CTNNA2: variants seen among roughly 807,000 people sequenced by gnomAD.
CTNNA2 encodes the protein catenin alpha 2.
A neutral mutation model predicts 101.0 loss-of-function variants in CTNNA2; 42 were observed. The observed-to-expected ratio is 0.42, with a 90% CI of 0.32 to 0.54. The LOEUF (loss-of-function observed/expected upper bound fraction) is 0.54, where lower values mean the gene tolerates loss of function less well. CTNNA2 is among the 20% of genes least tolerant of loss of function. The probability of loss-of-function intolerance (pLI) is 0.14; values close to 1 mark genes in which losing one functional copy is unlikely to be tolerated. For synonymous variants in CTNNA2, 450 were observed against 456.4 expected, an observed-to-expected ratio of 0.99 and a Z score of 0.18; for missense variants, 871 against 1,223.1, an observed-to-expected ratio of 0.71 and a Z score of 4.29.
At chr2:80,542,093 G>A (rs190856700) in intron 9 of CTNNA2, among the ~76,000 whole-genome samples, 1 of 136,552 alleles carries the variant, frequency 7.3e-6, no homozygotes, top group East Asian at 2.1e-4. Context: ...TGATTATATA[G>A]CTCTAAAAGC....
intron 9 of CTNNA2, among the ~76,000 whole-genome samples, chr2:80,473,837 C>T (rs1324219402): frequency 1.3e-5 from 2 of 152,180 alleles, no homozygotes; most frequent in African/African-American, 4.8e-5. Flanking sequence ...TGGCTGCTCA[C>T]AGATGTGTGT....
chr2:79,335,086 C>T (rs1413175073), intron 3 of CTNNA2, among the ~76,000 whole-genome samples: 2 of 152,156 alleles, frequency 1.3e-5, no homozygotes, highest in Non-Finnish European at 2.9e-5. Context: ...GTTAACTTCA[C>T]TCTAATCCCA....
At chr2:79,723,822 A>G (rs1455089180) in intron 2 of CTNNA2, among the ~76,000 whole-genome samples, 1 of 152,062 alleles carries the variant, frequency 6.6e-6, no homozygotes. Flanking sequence ...CTTTTCTATT[A>G]GTGCTGAAGT....
At chr2:79,218,979 A>G (rs184362682) in intron 2 of CTNNA2, among the ~76,000 whole-genome samples, 1 of 152,300 alleles carries the variant, frequency 6.6e-6, no homozygotes, top group African/African-American at 2.4e-5. Flanking sequence ...AATCTCTGGT[A>G]ATATTATGAT....
chr2:80,613,644 A>T (rs1698636049), intron 17 of CTNNA2, among the ~76,000 whole-genome samples: 1 of 151,384 alleles, frequency 6.6e-6, no homozygotes, highest in Admixed American at 6.6e-5. Flanking sequence ...AAAATCAGTT[A>T]TTCATTGATG....
At chr2:79,505,716 T>C (rs1366129855) in intron 5 of CTNNA2, among the ~76,000 whole-genome samples, 2 of 152,120 alleles carry the variant, frequency 1.3e-5, no homozygotes, top group Non-Finnish European at 2.9e-5. Context: ...TATGGAAAGG[T>C]GTACAGTTGT....
At chr2:80,281,607 T>G (rs1340502218) in intron 7 of CTNNA2, among the ~76,000 whole-genome samples, 1 of 152,114 alleles carries the variant, frequency 6.6e-6, no homozygotes, top group Non-Finnish European at 1.5e-5. Flanking sequence ...TTACTTTTTT[T>G]TCCCTTCATT....
chr2:80,453,975 T>G (rs1352107545), intron 9 of CTNNA2, among the ~76,000 whole-genome samples: 18 of 151,942 alleles, frequency 1.2e-4, no homozygotes, highest in Admixed American at 1.2e-3. Context: ...AGAAATTAGC[T>G]GCACAATTGT....
chr2:80,288,796 C>T (rs531864026), intron 7 of CTNNA2: 1 of 152,150 alleles, frequency 6.6e-6, no homozygotes, highest in Admixed American at 6.5e-5. Context: ...AAAACAGATC[C>T]TTTTCCTCTC....
At chr2:79,704,079 A>G (rs1685186579) in intron 2 of CTNNA2, among the ~76,000 whole-genome samples, 1 of 152,196 alleles carries the variant, frequency 6.6e-6, no homozygotes, top group Non-Finnish European at 1.5e-5. Context: ...AGGTACATAC[A>G]TGGAGATATA....
intron 7 of CTNNA2, among the ~76,000 whole-genome samples, chr2:80,096,435 A>G (rs532587786): frequency 3.3e-5 from 5 of 152,112 alleles, no homozygotes; most frequent in South Asian, 2.1e-4. Flanking sequence ...TATGTGGTCA[A>G]TTTTGGAATA....
intron 7 of CTNNA2, among the ~76,000 whole-genome samples, chr2:80,097,477 A>T (rs978968306): frequency 1.3e-5 from 2 of 151,948 alleles, no homozygotes; most frequent in African/African-American, 4.8e-5. Flanking sequence ...TCTGACAATT[A>T]TGTGTCTTGG....
At chr2:80,477,357 T>C (rs1020266089) in intron 9 of CTNNA2, among the ~76,000 whole-genome samples, 3 of 152,150 alleles carry the variant, frequency 2.0e-5, no homozygotes, top group African/African-American at 7.2e-5. Context: ...TTGGGAAATA[T>C]TTTCTTTAAA....
At chr2:79,747,788 C>T (rs959684347) in intron 3 of CTNNA2, among the ~76,000 whole-genome samples, 3 of 152,140 alleles carry the variant, frequency 2.0e-5, no homozygotes, top group Non-Finnish European at 4.4e-5. Flanking sequence ...GGGGATATTT[C>T]AAGTTTTCTT....
intron 7 of CTNNA2, among the ~76,000 whole-genome samples, chr2:80,246,192 C>T (rs1335307443): frequency 1.3e-5 from 2 of 152,126 alleles, no homozygotes; most frequent in Non-Finnish European, 2.9e-5. Context: ...TAGTGCCCAT[C>T]CCAGCATCAA....
intron 7 of CTNNA2, among the ~76,000 whole-genome samples, chr2:80,176,630 G>A (rs1705414040): frequency 6.6e-6 from 1 of 152,112 alleles, no homozygotes; most frequent in African/African-American, 2.4e-5. Context: ...GCCTGGATTG[G>A]GTTGTTATAG....
chr2:79,980,579 G>T (rs1205657728), intron 7 of CTNNA2, among the ~76,000 whole-genome samples: 1 of 151,906 alleles, frequency 6.6e-6, no homozygotes, highest in Non-Finnish European at 1.5e-5. Flanking sequence ...TATTTATATG[G>T]ATATTTATAA....
chr2:79,487,269 T>C (rs1472844874), intron 4 of CTNNA2, among the ~76,000 whole-genome samples: 3 of 152,224 alleles, frequency 2.0e-5, no homozygotes, highest in Non-Finnish European at 4.4e-5. Context: ...AAACTATCTT[T>C]AGTTATTGTA....
chr2:79,342,744 C>A (rs1187946340), intron 3 of CTNNA2, among the ~76,000 whole-genome samples: 1 of 152,178 alleles, frequency 6.6e-6, no homozygotes, highest in Non-Finnish European at 1.5e-5. Context: ...CAGATCCTCT[C>A]ATGTTGGTAC....
Sources: gnomAD v4.1 joint callset for allele counts (sites outside exome capture counted in the v4.1 genomes callset) on GRCh38, gnomAD v4.1.1 for gene constraint, MANE v1.5 for transcripts, NCBI Gene and HGNC (gene_info 2026-07-23, HGNC 2026-07-21) for gene names.